The following NBAS variants were observed in gnomAD, a reference collection of about 807,000 sequenced individuals.
The protein encoded by NBAS is NAG/BC035112 fusion.
In NBAS, 219 loss-of-function variants were observed where a neutral mutation model predicts 302.5. The observed-to-expected ratio is 0.72, with a 90% CI of 0.65 to 0.81. NBAS has a LOEUF of 0.81. Among genes scored for constraint, NBAS ranks in the 30% least tolerant of loss-of-function variants. NBAS has a pLI of 0.00. For missense variants in NBAS, 2,932 were observed against 2,841.6 expected, an observed-to-expected ratio of 1.03 and a Z score of -0.72; for synonymous variants, 1,118 against 1,021.6, an observed-to-expected ratio of 1.09 and a Z score of -1.80.
At chr2:14,785,458 GTCATAGATA>G in the NBAS span, among the ~76,000 whole-genome samples, 3 of 152,216 alleles carry the variant, frequency 2.0e-5, no homozygotes, top group African/African-American at 7.2e-5. Context: ...CTGTGGGTTT[GTCATAGATA>G]GCTCTTATTA....
chr2:14,945,444 A>G, the NBAS span, among the ~76,000 whole-genome samples: 8 of 152,234 alleles, frequency 5.3e-5, no homozygotes, highest in Non-Finnish European at 1.2e-4. Flanking sequence ...CAAAGCAAGG[A>G]AACAGTGACT....
chr2:15,517,940 G>T (rs1662478996), intron 9 of NBAS, among the ~76,000 whole-genome samples: 1 of 152,080 alleles, frequency 6.6e-6, no homozygotes, highest in African/African-American at 2.4e-5. Flanking sequence ...AATGTGTATT[G>T]CTTCTGCACC....
chr2:15,310,327 T>C (rs1671218502), intron 38 of NBAS, among the ~76,000 whole-genome samples: 1 of 152,176 alleles, frequency 6.6e-6, no homozygotes, highest in Non-Finnish European at 1.5e-5. Context: ...AAAGGGAACA[T>C]CAGTTATCCA....
the NBAS span, among the ~76,000 whole-genome samples, chr2:14,973,201 A>G: frequency 6.6e-6 from 1 of 152,182 alleles, no homozygotes; most frequent in Non-Finnish European, 1.5e-5. Flanking sequence ...TGTGAAGATC[A>G]GGTATGGGCT....
In NBAS at chr2:15,396,467, G is replaced by A; in HGVS notation, c.3080C>T (p.Thr1027Ile). 3 of 1,582,066 alleles carry A rather than the reference G, an allele frequency of 1.9e-6. No individual in the cohort carries two copies. Among genetic ancestry groups the A allele is most frequent in the Non-Finnish European group, 2.6e-6 (3 of 1,167,022 alleles). ...CLPERGYGDK[T>I]EATTKLHDMV... The stretch of plus-strand genomic sequence containing the variant: ...GTCATGAAGCTTTGTGGTTGCCTCT[G>A]TCTTATCACTAATAAATTAAAAGAA... Residue 1027 changes from threonine to isoleucine, a missense_variant, in exon 27 of 52, where the codon ACA becomes ATA. Transcript: ENST00000281513.
Position 15,236,527 on chromosome 2 carries a change from C to CAAAAA in NBAS, c.5944-1785_5944-1781dup, listed in dbSNP as rs1167993098. On this transcript the variant is annotated intron_variant, in intron 45 of 51. Coordinates refer to ENST00000281513, the MANE Select transcript of NBAS (RefSeq NM_015909.4). ...TGGGCAACAGAGTGAGACCCTGTCT[C>CAAAAA]AAAAAAAAAAAAAAAAAAAAAAAAA... Among the ~76,000 whole-genome samples, 11 of 28,304 alleles carry CAAAAA rather than the reference C, an allele frequency of 3.9e-4. 2 individuals are homozygous for CAAAAA. The highest frequency in any genetic ancestry group is 6.0e-4 in the Non-Finnish European group (8 of 13,394). 18.6% of individuals were successfully genotyped at this position (28,304 alleles called of 152,430 possible).
the NBAS span, among the ~76,000 whole-genome samples, chr2:15,028,534 A>G: frequency 2.0e-5 from 3 of 152,342 alleles, no homozygotes; most frequent in African/African-American, 7.2e-5. Flanking sequence ...GAACAATTTT[A>G]CTTCATTGTA....
chr2:15,400,218 G>A (rs1676081075), intron 26 of NBAS, among the ~76,000 whole-genome samples: 1 of 151,124 alleles, frequency 6.6e-6, no homozygotes, highest in Non-Finnish European at 1.5e-5. Flanking sequence ...AAGGAAGAGA[G>A]CGAGAAAAGA....
At chr2:15,031,589 T>C in the NBAS span, among the ~76,000 whole-genome samples, 16 of 152,272 alleles carry the variant, frequency 1.1e-4, no homozygotes, top group Admixed American at 9.8e-4. Flanking sequence ...GGAGAGGCAG[T>C]TGGTGTGCCA....
chr2:15,009,657 G>C, the NBAS span, among the ~76,000 whole-genome samples: 1 of 133,402 alleles, frequency 7.5e-6, no homozygotes, highest in South Asian at 2.5e-4. Context: ...TATATATGTA[G>C]GAATGCATAT....
At chr2:15,375,022 C>A (rs1572742094) in intron 30 of NBAS, among the ~76,000 whole-genome samples, 1 of 152,072 alleles carries the variant, frequency 6.6e-6, no homozygotes, top group Non-Finnish European at 1.5e-5. Flanking sequence ...GTGTTCAGTG[C>A]CGTTTTTACT....
chr2:15,323,937 G>A (rs1002054436), intron 38 of NBAS, among the ~76,000 whole-genome samples: 23 of 148,294 alleles, frequency 1.6e-4, no homozygotes, highest in Middle Eastern at 3.7e-3. Context: ...CACCTACAAC[G>A]GATTCTAGGG....
chr2:14,929,542 C>A, the NBAS span, among the ~76,000 whole-genome samples: 3 of 151,974 alleles, frequency 2.0e-5, no homozygotes, highest in South Asian at 6.2e-4. Context: ...CACACCCAGC[C>A]AATTTTTGTA....
chr2:15,483,532 A>C (rs1275091556), intron 12 of NBAS, among the ~76,000 whole-genome samples: 1 of 152,224 alleles, frequency 6.6e-6, no homozygotes, highest in Non-Finnish European at 1.5e-5. Context: ...GAAATGTTTG[A>C]AATGAAAATC....
chr2:15,217,375 C>A (rs1202617430), intron 48 of NBAS, among the ~76,000 whole-genome samples: 1 of 152,174 alleles, frequency 6.6e-6, no homozygotes, highest in Non-Finnish European at 1.5e-5. Flanking sequence ...CTTCATCTCA[C>A]AGAGGGAAAT....
intron 44 of NBAS, among the ~76,000 whole-genome samples, chr2:15,256,497 T>A (rs1270721408): frequency 6.6e-6 from 1 of 152,192 alleles, no homozygotes; most frequent in African/African-American, 2.4e-5. Flanking sequence ...TGGCAAATAG[T>A]GGCTGTTTGA....
chr2:15,170,478 G>A (rs1318178894), intron 51 of NBAS, among the ~76,000 whole-genome samples: 1 of 152,206 alleles, frequency 6.6e-6, no homozygotes, highest in African/African-American at 2.4e-5. Context: ...GTTCCCTAAA[G>A]AACGATAAAG....
At chr2:15,069,887 A>C in the NBAS span, among the ~76,000 whole-genome samples, 1 of 152,282 alleles carries the variant, frequency 6.6e-6, no homozygotes, top group Non-Finnish European at 1.5e-5. Context: ...GCAGGCACGG[A>C]TTGGGAATTG....
chr2:15,538,215 G>A (rs929275396), intron 7 of NBAS: 12 of 228,382 alleles, frequency 5.3e-5, no homozygotes, highest in African/African-American at 9.0e-5. Context: ...TATTGTATAT[G>A]TGACCAAATA....
Sources: gnomAD v4.1 joint callset for allele counts (sites outside exome capture counted in the v4.1 genomes callset) on GRCh38, gnomAD v4.1.1 for gene constraint, MANE v1.5 for transcripts, NCBI Gene and HGNC (gene_info 2026-07-23, HGNC 2026-07-21) for gene names.